The following PTPRK variants were observed in gnomAD, a reference collection of about 807,000 sequenced individuals.
PTPRK encodes receptor-type tyrosine-protein phosphatase kappa.
In PTPRK, 75 loss-of-function variants were observed where a neutral mutation model predicts 178.0. The ratio of observed to expected loss-of-function variants is 0.42; its 90% CI spans 0.35 to 0.51. The LOEUF is 0.51. Among genes scored for constraint, PTPRK ranks in the 20% least tolerant of loss-of-function variants. The probability of loss-of-function intolerance (pLI) is 0.02; values close to 1 mark genes in which losing one functional copy is unlikely to be tolerated. For synonymous variants in PTPRK, 637 were observed against 620.6 expected (o/e 1.03, Z -0.39); for missense variants, 1,441 against 1,797.8 (o/e 0.80, Z 3.59).
At chr6:128,030,461 C>G (rs952926208) in intron 13 of PTPRK, among the ~76,000 whole-genome samples, 1 of 152,232 alleles carries the variant, frequency 6.6e-6, no homozygotes, top group Non-Finnish European at 1.5e-5. Context: ...TCATATTTAT[C>G]TGTACATCCT....
intron 2 of PTPRK, among the ~76,000 whole-genome samples, chr6:128,363,699 T>C (rs1000341435): frequency 5.3e-5 from 8 of 152,138 alleles, no homozygotes; most frequent in African/African-American, 1.4e-4. Flanking sequence ...CATTTCTATC[T>C]ACTAGGTTTA....
intron 1 of PTPRK, among the ~76,000 whole-genome samples, chr6:128,416,482 A>C (rs1842867764): frequency 6.6e-6 from 1 of 151,402 alleles, no homozygotes; most frequent in Non-Finnish European, 1.5e-5. Context: ...TCTACTAAAA[A>C]TACAAAAAAA....
Position 128,511,226 on chromosome 6 carries a change from C to T in PTPRK, c.100+9033G>A, listed in dbSNP as rs534297676. Among the ~76,000 whole-genome samples, 28 of 152,294 alleles carry T rather than the reference C, an allele frequency of 1.8e-4. No homozygotes were observed. In the East Asian group the frequency reaches 5.0e-3, roughly 27 times the overall value. The stretch of plus-strand genomic sequence containing the variant: ...GCCTCTTTCCTCTCTTTCTCTTCCA[C>T]GCTTTCCCACTTAGAGATCACCTAG... On this transcript the variant is annotated intron_variant, in intron 1 of 29. Coordinates refer to ENST00000368226, the MANE Select transcript of PTPRK (RefSeq NM_002844.4).
chr6:128,306,147 G>T (rs768712540), intron 3 of PTPRK, among the ~76,000 whole-genome samples: 16 of 152,140 alleles, frequency 1.1e-4, no homozygotes, highest in African/African-American at 3.6e-4. Context: ...TGGGGATTAC[G>T]ATTCAAGATG....
chr6:128,046,466 C>T (rs1778046080), intron 13 of PTPRK, among the ~76,000 whole-genome samples: 1 of 152,100 alleles, frequency 6.6e-6, no homozygotes. Context: ...AGAAAAGCCA[C>T]ATCCCTGCCC....
chr6:128,216,185 C>T (rs1438744464), intron 6 of PTPRK, among the ~76,000 whole-genome samples: 2 of 152,108 alleles, frequency 1.3e-5, no homozygotes, highest in African/African-American at 4.8e-5. Context: ...CATCATCTTT[C>T]AACTCAACCT....
At chr6:128,417,403 T>A (rs1432005480) in intron 1 of PTPRK, among the ~76,000 whole-genome samples, 1 of 152,146 alleles carries the variant, frequency 6.6e-6, no homozygotes, top group Non-Finnish European at 1.5e-5. Context: ...CCATTAAATA[T>A]CAGCACCTCC....
intron 1 of PTPRK, among the ~76,000 whole-genome samples, chr6:128,465,875 G>A (rs1849783398): frequency 6.6e-6 from 1 of 152,122 alleles, no homozygotes; most frequent in Non-Finnish European, 1.5e-5. Flanking sequence ...CAAGAGGCAT[G>A]GGAGGCAGAC....
At chr6:128,408,776 G>GA (rs765275293) in intron 1 of PTPRK, among the ~76,000 whole-genome samples, 1 of 152,116 alleles carries the variant, frequency 6.6e-6, no homozygotes, top group Non-Finnish European at 1.5e-5. Flanking sequence ...ATGGCTATAG[G>GA]AAAAAATTGA....
At chr6:128,482,211 G>A (rs144122466) in intron 1 of PTPRK, among the ~76,000 whole-genome samples, 58 of 152,214 alleles carry the variant, frequency 3.8e-4, no homozygotes, top group African/African-American at 1.1e-3. Context: ...CTTTTAAGAC[G>A]TGAAGTATAA....
At chr6:128,043,448 T>C (rs1302556180) in intron 13 of PTPRK, among the ~76,000 whole-genome samples, 2 of 150,866 alleles carry the variant, frequency 1.3e-5, no homozygotes, top group African/African-American at 4.8e-5. Context: ...CTTTTTAGTA[T>C]GAAATCATTT....
intron 1 of PTPRK, among the ~76,000 whole-genome samples, chr6:128,470,998 C>T (rs1850576082): frequency 6.6e-6 from 1 of 150,606 alleles, no homozygotes; most frequent in Non-Finnish European, 1.5e-5. Context: ...ACATTAAGAG[C>T]TAGGTTGCCT....
At chr6:128,492,260 C>T (rs1028236492) in intron 1 of PTPRK, among the ~76,000 whole-genome samples, 9 of 152,160 alleles carry the variant, frequency 5.9e-5, no homozygotes, top group African/African-American at 2.2e-4. Context: ...TCTTTGGTCT[C>T]AATGCTGATA....
At chr6:128,209,009 G>T (rs1271510167) in intron 6 of PTPRK, among the ~76,000 whole-genome samples, 3 of 151,902 alleles carry the variant, frequency 2.0e-5, no homozygotes, top group African/African-American at 7.3e-5. Context: ...TCCTCCTACT[G>T]TCATTACACA....
At chr6:128,115,709 T>A (rs1034304916) in intron 7 of PTPRK, among the ~76,000 whole-genome samples, 10 of 152,068 alleles carry the variant, frequency 6.6e-5, no homozygotes, top group South Asian at 2.1e-4. Context: ...CAAAAAGTAA[T>A]ATATGATATA....
intron 14 of PTPRK, 110 bp downstream of exon 14, chr6:128,009,020 A>T (rs1031646097): frequency 9.9e-7 from 1 of 1,005,332 alleles, no homozygotes; most frequent in African/African-American, 1.7e-5. Context: ...TTAAAATTAA[A>T]ATTTTCTTCC....
At chr6:128,253,075 A>G (rs1192717009) in intron 3 of PTPRK, among the ~76,000 whole-genome samples, 1 of 152,166 alleles carries the variant, frequency 6.6e-6, no homozygotes, top group African/African-American at 2.4e-5. Flanking sequence ...GAGGCTTCCC[A>G]ATTCCAATAT....
intron 2 of PTPRK, among the ~76,000 whole-genome samples, chr6:128,394,923 T>C (rs1840085772): frequency 1.3e-5 from 2 of 152,178 alleles, no homozygotes; most frequent in South Asian, 4.1e-4. Context: ...TAGCACCAAG[T>C]ATCACACAGT....
chr6:128,137,800 T>C (rs1281648257), intron 7 of PTPRK, among the ~76,000 whole-genome samples: 1 of 152,146 alleles, frequency 6.6e-6, no homozygotes, highest in East Asian at 1.9e-4. Flanking sequence ...AATACAGTAA[T>C]GCAAAATTTA....
Sources: gnomAD v4.1 joint callset for allele counts (sites outside exome capture counted in the v4.1 genomes callset) on GRCh38, gnomAD v4.1.1 for gene constraint, MANE v1.5 for transcripts, NCBI Gene and HGNC (gene_info 2026-07-23, HGNC 2026-07-21) for gene names.